Variants in AFF2 observed in about 807,000 individuals in gnomAD.
The protein encoded by AFF2 is ALF transcription elongation factor 2.
Under a neutral mutation model 76.9 loss-of-function variants are expected in AFF2, and 14 were observed. That is an observed-to-expected ratio of 0.18 (90% CI 0.12 to 0.28). The LOEUF (loss-of-function observed/expected upper bound fraction) is 0.28. AFF2 is among the 10% of genes least tolerant of loss of function. The probability of loss-of-function intolerance (pLI) is 1.00; values close to 1 mark genes in which losing one functional copy is unlikely to be tolerated. For synonymous variants in AFF2, 398 were observed against 366.7 expected, an observed-to-expected ratio of 1.09 and a Z score of -0.98; for missense variants, 868 against 1,001.1, an observed-to-expected ratio of 0.87 and a Z score of 1.79.
chrX:148,680,541 A>T (rs1272412016), intron 3 of AFF2, among the ~76,000 whole-genome samples: 2 of 108,913 alleles, frequency 1.8e-5, no homozygotes, highest in East Asian at 2.9e-4. Flanking sequence ...TCACTAAATT[A>T]AAAAAAAAAT....
At chrX:148,593,421 C>T (rs1180295110) in intron 1 of AFF2, among the ~76,000 whole-genome samples, 1 of 111,800 alleles carries the variant, frequency 8.9e-6, no homozygotes, top group African/African-American at 3.3e-5. Context: ...GGGTTGAGAA[C>T]AAACCCATGT....
At chrX:148,829,082 T>C (rs1304314737) in intron 4 of AFF2, among the ~76,000 whole-genome samples, 2 of 112,563 alleles carry the variant, frequency 1.8e-5, no homozygotes, top group Non-Finnish European at 3.7e-5. Flanking sequence ...CTGCCAGCAC[T>C]AAAGAGTTTG....
chrX:148,571,699 C>T (rs1157507023), intron 1 of AFF2, among the ~76,000 whole-genome samples: 1 of 111,127 alleles, frequency 9.0e-6, no homozygotes, highest in Admixed American at 9.6e-5. Flanking sequence ...ATAGTATTAT[C>T]ATTTTAAAGC....
intron 3 of AFF2, among the ~76,000 whole-genome samples, chrX:148,790,493 G>A (rs2069877665): frequency 2.7e-5 from 3 of 111,761 alleles, no homozygotes; most frequent in African/African-American, 9.8e-5. Context: ...ATACACCATG[G>A]AATACTATGT....
intron 3 of AFF2, among the ~76,000 whole-genome samples, chrX:148,744,169 C>T (rs782036998): frequency 9.0e-6 from 1 of 110,884 alleles, no homozygotes; most frequent in African/African-American, 3.3e-5. Flanking sequence ...TTAATGCTCA[C>T]AATAGGCCTG....
chrX:148,527,402 GCATGAATTTAGATT>G (rs2052673723), intron 1 of AFF2, among the ~76,000 whole-genome samples: 2 of 111,950 alleles, frequency 1.8e-5, no homozygotes, highest in African/African-American at 6.5e-5. Flanking sequence ...TAAATGCAAG[GCATGAATTTAGATT>G]GGATCTTGGA....
At chrX:148,942,085 A>G (rs2071843204) in intron 9 of AFF2, among the ~76,000 whole-genome samples, 1 of 109,909 alleles carries the variant, frequency 9.1e-6, no homozygotes, top group African/African-American at 3.3e-5. Context: ...TCTGAGATTA[A>G]TGAAGTGATA....
At chrX:148,593,281 C>G (rs1441670243) in intron 1 of AFF2, among the ~76,000 whole-genome samples, 1 of 112,292 alleles carries the variant, frequency 8.9e-6, no homozygotes, top group Non-Finnish European at 1.9e-5. Flanking sequence ...GCGTTTCTAG[C>G]TACTGACAAG....
chrX:148,991,356 T>A lies in AFF2; in HGVS notation c.*24T>A. 8.5e-7 allele frequency: 1 copy of A among 1,175,646 alleles called. No individual in the cohort carries two copies. Among genetic ancestry groups the A allele is most frequent in the Non-Finnish European group, 1.1e-6 (1 of 873,804 alleles). On this transcript the variant is annotated 3_prime_UTR_variant, in exon 21 of 21. Transcript: ENST00000370460. Reference sequence around the variant, plus strand: ...AGTGGGTGTTCTCAGATCTCTAGCATCACGACCCATCACTCTACCTCTACC... The same window carrying A: ...AGTGGGTGTTCTCAGATCTCTAGCAACACGACCCATCACTCTACCTCTACC...
chrX:148,776,561 G>A (rs1033313305), intron 3 of AFF2, among the ~76,000 whole-genome samples: 4 of 112,323 alleles, frequency 3.6e-5, no homozygotes, highest in African/African-American at 6.5e-5. Context: ...TCTAACTGGT[G>A]TGAGATGGTA....
At chrX:148,971,211 T>C (rs1557289522) in intron 15 of AFF2, among the ~76,000 whole-genome samples, 1 of 101,339 alleles carries the variant, frequency 9.9e-6, no homozygotes, top group African/African-American at 3.6e-5. Context: ...TAGTTGGGCA[T>C]TGAAAAGTAT....
Position 148,565,425 on chromosome X carries a change from CA to C in AFF2, c.47+64282del, listed in dbSNP as rs1259456274. On this transcript the variant is annotated intron_variant, in intron 1 of 20. Transcript: ENST00000370460. ...TGATTTGGATTTTATTCCTGCAACA[CA>C]GAGCTAGAAAAATTTTAAGGTCATT... Among the ~76,000 whole-genome samples the C allele has an allele frequency of 6.3e-5, 7 of 111,087 alleles. No individual in the cohort carries two copies. In the East Asian group the frequency reaches 2.0e-3, roughly 31 times the overall value.
At chrX:148,860,639 G>C in intron 7 of AFF2, among the ~76,000 whole-genome samples, 1 of 112,247 alleles carries the variant, frequency 8.9e-6, no homozygotes, top group Non-Finnish European at 1.9e-5. Flanking sequence ...ATTTTAAATA[G>C]TGTGCTGGCT....
chrX:148,895,505 C>G (rs1175148076), intron 8 of AFF2, among the ~76,000 whole-genome samples: 1 of 110,036 alleles, frequency 9.1e-6, no homozygotes, highest in East Asian at 2.9e-4. Context: ...ACAAGTATGG[C>G]CATGCTACTA....
intron 7 of AFF2, among the ~76,000 whole-genome samples, chrX:148,870,093 G>A (rs1360845705): frequency 9.0e-6 from 1 of 110,914 alleles, no homozygotes; most frequent in African/African-American, 3.3e-5. Flanking sequence ...CAATTTTAAC[G>A]ATCCTCCAGT....
At chrX:148,847,595 C>A (rs1401715062) in intron 7 of AFF2, among the ~76,000 whole-genome samples, 1 of 111,417 alleles carries the variant, frequency 9.0e-6, no homozygotes, top group Admixed American at 9.5e-5. Context: ...TTAAAACATC[C>A]AAACTCTAGA....
intron 3 of AFF2, among the ~76,000 whole-genome samples, chrX:148,769,287 T>G (rs782297990): frequency 8.9e-6 from 1 of 111,953 alleles, no homozygotes; most frequent in Admixed American, 9.5e-5. Context: ...AGAGGTTCCA[T>G]TGAATACATT....
At chrX:148,984,322 G>A (rs1442130073) in intron 19 of AFF2, among the ~76,000 whole-genome samples, 1 of 111,426 alleles carries the variant, frequency 9.0e-6, no homozygotes, top group East Asian at 2.8e-4. Flanking sequence ...AGTGGCGGAA[G>A]TGGTGGGAAG....
chrX:148,998,161 G>C lies in AFF2; in HGVS notation c.*6829G>C, dbSNP rs1324764663. 2 of 111,322 alleles carry C rather than the reference G, an allele frequency of 1.8e-5. No homozygotes were observed. Among genetic ancestry groups the C allele is most frequent in the Non-Finnish European group, 3.8e-5 (2 of 53,058 alleles). 9.2% of individuals were successfully genotyped at this position (111,322 alleles called of 1,213,427 possible). On this transcript the variant is annotated 3_prime_UTR_variant, in exon 21 of 21. Coordinates refer to ENST00000370460, the MANE Select transcript of AFF2 (RefSeq NM_002025.4). ...AAAATTCTCCCCTTTTGCCCACTTGGTTAGATGAGTGATATATTCTTTGGA... is the reference window on the plus strand; with the variant it reads ...AAAATTCTCCCCTTTTGCCCACTTGCTTAGATGAGTGATATATTCTTTGGA...
Sources: gnomAD v4.1 joint callset for allele counts (sites outside exome capture counted in the v4.1 genomes callset) on GRCh38, gnomAD v4.1.1 for gene constraint, MANE v1.5 for transcripts, NCBI Gene and HGNC (gene_info 2026-07-23, HGNC 2026-07-21) for gene names.